The following AIG1 variants were observed in gnomAD, a reference collection of about 807,000 sequenced individuals.
AIG1 encodes the protein androgen-induced gene 1 protein.
AIG1 carries 23 observed loss-of-function variants against 31.4 expected under a neutral mutation model. The observed-to-expected ratio is 0.73, with a 90% CI of 0.53 to 1.04. AIG1 has a LOEUF of 1.04. Among genes scored for constraint, AIG1 ranks in the 50% least tolerant of loss-of-function variants. AIG1 has a pLI of 0.00. For missense variants in AIG1, 274 were observed against 295.0 expected, an observed-to-expected ratio of 0.93 and a Z score of 0.52; for synonymous variants, 100 against 110.5, an observed-to-expected ratio of 0.90 and a Z score of 0.60.
At position 143,284,768 on chromosome 6, in the gene AIG1, A is replaced by G. The variant is rs957543030; in HGVS notation, c.515+543A>G. Among the ~76,000 whole-genome samples the G allele has an allele frequency of 1.3e-5, 2 of 152,200 alleles. No homozygotes were observed. The highest frequency in any genetic ancestry group is 4.8e-5 in the African/African-American group (2 of 41,454). On this transcript the variant is annotated intron_variant, in intron 4 of 5. Transcript: ENST00000357847. This position sits in a 1 kb window ranked among gnomAD's most constrained non-coding sequence, Gnocchi z 4.4. ...GATAAATAAACCACAAGAAATCTTCATTTGATCTATTGTGCACAATTCAGA... is the reference window on the plus strand; with the variant it reads ...GATAAATAAACCACAAGAAATCTTCGTTTGATCTATTGTGCACAATTCAGA...
At chr6:143,205,668 T>C (rs1791053677) in intron 3 of AIG1, among the ~76,000 whole-genome samples, 1 of 152,246 alleles carries the variant, frequency 6.6e-6, no homozygotes. Context: ...CACTTGCCCA[T>C]ACAACACAGA....
chr6:143,230,510 CTCT>C (rs578230663), intron 3 of AIG1, among the ~76,000 whole-genome samples: 16 of 149,684 alleles, frequency 1.1e-4, no homozygotes, highest in African/African-American at 3.9e-4. Context: ...CTTTTTTACA[CTCT>C]TTTTTCTTTT....
At chr6:143,174,887 T>C (rs1437803795) in intron 3 of AIG1, among the ~76,000 whole-genome samples, 1 of 152,206 alleles carries the variant, frequency 6.6e-6, no homozygotes, top group Non-Finnish European at 1.5e-5. Context: ...TTTCATTGTG[T>C]TATTGTTTTA....
At position 143,299,030 on chromosome 6, in the gene AIG1, A is replaced by T. The variant is rs1798640671; in HGVS notation, c.515+14805A>T. ...TTTTCTAATATAAGCATCACATCTC[A>T]TGGGTGACATGGAAGTGCTATCTTG... On this transcript the variant is annotated intron_variant, in intron 4 of 5. Transcript: ENST00000357847. This position sits in a 1 kb window ranked among gnomAD's most constrained non-coding sequence, Gnocchi z 4.1. 6.6e-6 allele frequency: 1 copy of T among 152,166 alleles called. No individual in the cohort carries two copies. The highest frequency in any genetic ancestry group is 2.1e-4 in the South Asian group (1 of 4,832). The allele number at this position is 152,166 out of a possible 1,614,324, so 9.4% of individuals were successfully genotyped here. A position where few individuals can be genotyped will look rare whatever the true frequency, so the allele number is the denominator to read the frequency against.
chr6:143,127,196 G>T (rs144324509), intron 1 of AIG1, among the ~76,000 whole-genome samples: 8 of 152,028 alleles, frequency 5.3e-5, no homozygotes, highest in Non-Finnish European at 7.4e-5. Context: ...TTAATTAATG[G>T]TTTTATCCTC....
chr6:143,274,817 T>C (rs1796779155), intron 3 of AIG1, among the ~76,000 whole-genome samples: 2 of 152,222 alleles, frequency 1.3e-5, no homozygotes. Context: ...AGTGAACCCC[T>C]CTGTTCCTTC....
At chr6:143,094,539 A>G (rs1481028115) in intron 1 of AIG1, among the ~76,000 whole-genome samples, 1 of 152,216 alleles carries the variant, frequency 6.6e-6, no homozygotes, top group Non-Finnish European at 1.5e-5. Flanking sequence ...CCTTCTCAAT[A>G]GAGCTGAGGT....
chr6:143,326,051 G>A lies in AIG1; in HGVS notation c.516-7231G>A, dbSNP rs1776583712. Among the ~76,000 whole-genome samples the A allele has an allele frequency of 6.6e-6, 1 of 152,130 alleles. No homozygotes were observed. The highest frequency in any genetic ancestry group is 1.5e-5 in the Non-Finnish European group (1 of 68,018). ...ATGACTCAACAGTTTGATAGACACT[G>A]GTCTAAGTGTTCTTAAATCTTTCAG... is the stretch of plus-strand genomic sequence containing the variant. On this transcript the variant is annotated intron_variant, in intron 4 of 5. Transcript: ENST00000357847. The surrounding 1 kb of genome is among the most constrained non-coding windows in gnomAD (Gnocchi z 4.5).
chr6:143,182,608 T>A (rs1788838258), intron 3 of AIG1, among the ~76,000 whole-genome samples: 1 of 152,060 alleles, frequency 6.6e-6, no homozygotes, highest in Non-Finnish European at 1.5e-5. Flanking sequence ...CTAACCCTGC[T>A]CCCCCTTCCC....
At chr6:143,241,453 G>A (rs193124527) in intron 3 of AIG1, among the ~76,000 whole-genome samples, 443 of 152,360 alleles carry the variant, frequency 2.9e-3, no homozygotes, top group Non-Finnish European at 4.9e-3. Context: ...CTTCTGGGAT[G>A]AAGCATTAAG....
intron 3 of AIG1, among the ~76,000 whole-genome samples, chr6:143,186,081 G>T (rs1294181367): frequency 6.6e-6 from 1 of 152,136 alleles, no homozygotes; most frequent in Non-Finnish European, 1.5e-5. Flanking sequence ...TTGCCCAAGC[G>T]CTCACAGCCC....
intron 3 of AIG1, among the ~76,000 whole-genome samples, chr6:143,196,239 G>A (rs970055326): frequency 6.6e-5 from 10 of 152,092 alleles, no homozygotes; most frequent in African/African-American, 2.4e-4. Flanking sequence ...AGAAAAATGG[G>A]AAAAAGTAGT....
chr6:143,201,997 G>C (rs1257297487), intron 3 of AIG1, among the ~76,000 whole-genome samples: 5 of 152,132 alleles, frequency 3.3e-5, no homozygotes, highest in African/African-American at 1.2e-4. Flanking sequence ...CTAAATAACA[G>C]ATGAGGGAAC....
intron 2 of AIG1, among the ~76,000 whole-genome samples, chr6:143,137,318 T>C (rs1185233719): frequency 6.6e-6 from 1 of 152,200 alleles, no homozygotes; most frequent in East Asian, 1.9e-4. Context: ...TTATAAGGTA[T>C]AGCAGTCATA....
At chr6:143,108,101 A>G (rs1780958883) in intron 1 of AIG1, among the ~76,000 whole-genome samples, 2 of 146,432 alleles carry the variant, frequency 1.4e-5, no homozygotes, top group South Asian at 5.1e-4. Context: ...AGTAAAACAT[A>G]GTTTTAGAAT....
intron 3 of AIG1, among the ~76,000 whole-genome samples, chr6:143,196,864 G>A (rs994428020): frequency 6.6e-6 from 1 of 152,136 alleles, no homozygotes; most frequent in African/African-American, 2.4e-5. Flanking sequence ...CTCTTCAGGA[G>A]CATAAAATGT....
rs1798472311 is a variant in AIG1 at position 143,297,037 on chromosome 6, G to A, written c.515+12812G>A. Among the ~76,000 whole-genome samples, 1 of 152,160 alleles carries A rather than the reference G, an allele frequency of 6.6e-6. No homozygotes were observed. The highest frequency in any genetic ancestry group is 2.4e-5 in the African/African-American group (1 of 41,444). Reference sequence around the variant, plus strand: ...GTCCTCAAGGAGCTTACAGTCTATTGAAGGATACAGGGAACTAAAAAGCAA... The same window carrying A: ...GTCCTCAAGGAGCTTACAGTCTATTAAAGGATACAGGGAACTAAAAAGCAA... On this transcript the variant is annotated intron_variant, in intron 4 of 5. Coordinates refer to ENST00000357847, the MANE Select transcript of AIG1 (RefSeq NM_016108.4). The surrounding 1 kb of genome is among the most constrained non-coding windows in gnomAD (Gnocchi z 5.1).
At chr6:143,246,039 C>T (rs918847598) in intron 3 of AIG1, among the ~76,000 whole-genome samples, 1 of 151,640 alleles carries the variant, frequency 6.6e-6, no homozygotes, top group African/African-American at 2.4e-5. Flanking sequence ...AACAAATCTC[C>T]TCACGTTTTA....
chr6:143,243,526 A>T (rs1480167218), intron 3 of AIG1, among the ~76,000 whole-genome samples: 1 of 152,206 alleles, frequency 6.6e-6, no homozygotes, highest in Non-Finnish European at 1.5e-5. Flanking sequence ...ATAAAGTATC[A>T]TAGACTACAA....
Sources: allele counts gnomAD v4.1 joint callset (sites outside exome capture counted in the v4.1 genomes callset), GRCh38; gene constraint gnomAD v4.1.1; non-coding constraint Gnocchi (gnomAD v3.1); transcripts MANE v1.5; gene names NCBI Gene and HGNC (gene_info 2026-07-23, HGNC 2026-07-21).